The following DOCK2 variants were observed in gnomAD, a reference collection of about 807,000 sequenced individuals.
DOCK2 encodes dedicator of cytokinesis 2.
DOCK2 carries 87 observed loss-of-function variants against 248.9 expected under a neutral mutation model. The observed-to-expected ratio is 0.35, with a 90% CI of 0.29 to 0.42. DOCK2 has a LOEUF of 0.42. DOCK2 is among the 10% of genes least tolerant of loss of function. The pLI is 1.00. For missense variants in DOCK2, 1,747 were observed against 2,300.2 expected, an observed-to-expected ratio of 0.76 and a Z score of 4.92; for synonymous variants, 805 against 821.6, an observed-to-expected ratio of 0.98 and a Z score of 0.35.
intron 27 of DOCK2, chr5:169,883,118 C>T: frequency 6.4e-7 from 1 of 1,551,632 alleles, no homozygotes; most frequent in Non-Finnish European, 8.7e-7. Flanking sequence ...ACGCTGGTGG[C>T]ATTTAAGCAG....
chr5:169,974,243 A>G (rs1263563128), intron 27 of DOCK2, among the ~76,000 whole-genome samples: 1 of 152,266 alleles, frequency 6.6e-6, no homozygotes, highest in African/African-American at 2.4e-5. Context: ...GGAGGATTAC[A>G]TAAGATAAAG....
chr5:169,782,850 C>T (rs753018123), intron 25 of DOCK2, among the ~76,000 whole-genome samples: 6 of 152,160 alleles, frequency 3.9e-5, no homozygotes, highest in Non-Finnish European at 7.3e-5. Flanking sequence ...GGCTCTCTGA[C>T]ATATCAAATT....
At chr5:169,647,905 C>T (rs1262140775) in intron 1 of DOCK2, among the ~76,000 whole-genome samples, 1 of 152,194 alleles carries the variant, frequency 6.6e-6, no homozygotes, top group Non-Finnish European at 1.5e-5. Flanking sequence ...TTCACAGAAG[C>T]TCAGGAGAGC....
At chr5:170,045,727 A>G in intron 38 of DOCK2, 89 bp from the exon 39 acceptor site, 1 of 1,293,344 alleles carries the variant, frequency 7.7e-7, no homozygotes, top group Non-Finnish European at 1.1e-6. Flanking sequence ...AGTCCCAGGA[A>G]GCACAGCTAC....
At position 169,684,319 on chromosome 5, in the gene DOCK2, C is replaced by T. The variant is rs770251542; in HGVS notation, c.730C>T (p.Leu244Phe). The change falls in exon 8 of 52, where the codon CTC becomes TTC. Residue 244 changes from leucine to phenylalanine, a missense_variant. Physicochemically the swap from Leu to Phe is conservative, Grantham distance 22. Around this residue, in one of 4 missense-constraint regions of DOCK2, gnomAD observed 375 missense variants for 510.9 expected, o/e 0.73. Transcript: ENST00000520908. Reference protein sequence around the residue: ...IGEDAELFMSLYDPNKQTVIS... With the variant: ...IGEDAELFMSFYDPNKQTVIS... ...GGAAGATGCTGAGCTCTTCATGTCT[C>T]TCTACGACCCCAACAAGCAAACGGT... 1.9e-6 allele frequency: 3 copies of T among 1,614,192 alleles called. No homozygotes were observed. The highest frequency in any genetic ancestry group is 1.7e-6 in the Non-Finnish European group (2 of 1,180,006).
At chr5:169,774,266 A>G (rs533591561) in intron 25 of DOCK2, among the ~76,000 whole-genome samples, 34 of 152,338 alleles carry the variant, frequency 2.2e-4, no homozygotes, top group Middle Eastern at 3.4e-3. Context: ...GGGGACTATT[A>G]ACAAAATACA....
intron 27 of DOCK2, among the ~76,000 whole-genome samples, chr5:169,857,323 A>G (rs1006924020): frequency 6.6e-6 from 1 of 152,244 alleles, no homozygotes. Flanking sequence ...ATGACAATTT[A>G]TTCTGAAACA....
chr5:169,792,949 C>T (rs1368597872), intron 25 of DOCK2, among the ~76,000 whole-genome samples: 4 of 152,172 alleles, frequency 2.6e-5, no homozygotes, highest in Admixed American at 2.6e-4. Context: ...GGAGGCCAGC[C>T]AGCAGCTGCA....
intron 7 of DOCK2, 70 bp from the exon 8 acceptor site, chr5:169,684,126 C>T: frequency 1.3e-6 from 2 of 1,574,362 alleles, no homozygotes; most frequent in South Asian, 2.3e-5. Context: ...CCTTGACTAT[C>T]TCTCTGTTGC....
chr5:169,864,806 A>T (rs1188267526), intron 27 of DOCK2, among the ~76,000 whole-genome samples: 5 of 152,220 alleles, frequency 3.3e-5, no homozygotes, highest in African/African-American at 1.2e-4. Context: ...TTATTAAAAA[A>T]TTGAGATAAT....
chr5:169,711,895 T>C (rs777323500), intron 15 of DOCK2, 40 bp from the exon 16 acceptor site: 82 of 1,611,832 alleles, frequency 5.1e-5, no homozygotes, highest in Non-Finnish European at 6.6e-5. Context: ...GGAGGGCCCT[T>C]TAACTCATTG....
chr5:170,079,241 T>C, intron 49 of DOCK2, 95 bp downstream of exon 49: 1 of 1,474,046 alleles, frequency 6.8e-7, no homozygotes, highest in Non-Finnish European at 9.1e-7. Context: ...ATGGGCTTCC[T>C]GAAGCCTGCC....
In DOCK2 at chr5:169,882,815, G is replaced by A. The variant is rs191734900; in HGVS notation, c.2799+41963G>A. ...AACTCCAGTGTGTCTGACTCGGTGG[G>A]GTTGTTTGCCGTCTGCTCCTGACAC... On this transcript the variant is annotated intron_variant, in intron 27 of 51. Coordinates refer to ENST00000520908, the MANE Select transcript of DOCK2 (RefSeq NM_004946.3). The A allele has an allele frequency of 2.1e-5, 32 of 1,550,642 alleles. No homozygotes were observed. The African/African-American group carries it at 3.7e-4, about 18-fold the overall frequency.
chr5:169,867,714 A>C (rs1483382472), intron 27 of DOCK2, among the ~76,000 whole-genome samples: 1 of 152,056 alleles, frequency 6.6e-6, no homozygotes, highest in Non-Finnish European at 1.5e-5. Flanking sequence ...ACACATACAC[A>C]CATATATAAT....
chr5:169,847,023 A>G (rs1419440274), intron 27 of DOCK2, among the ~76,000 whole-genome samples: 1 of 152,200 alleles, frequency 6.6e-6, no homozygotes, highest in East Asian at 1.9e-4. Context: ...GTGGCAAAAG[A>G]CATTATTTCA....
intron 19 of DOCK2, among the ~76,000 whole-genome samples, 175 bp downstream of exon 19, chr5:169,714,632 A>G (rs1761803967): frequency 2.0e-5 from 3 of 152,296 alleles, no homozygotes; most frequent in South Asian, 2.1e-4. Context: ...CAGGGGAGTG[A>G]CTTGGTTCAA....
At chr5:169,863,816 C>T (rs967750590) in intron 27 of DOCK2, among the ~76,000 whole-genome samples, 4 of 152,228 alleles carry the variant, frequency 2.6e-5, no homozygotes, top group African/African-American at 9.6e-5. Flanking sequence ...CAGTTTATCT[C>T]ATTTTTTTCT....
intron 27 of DOCK2, among the ~76,000 whole-genome samples, chr5:169,906,922 TAG>T (rs975966910): frequency 2.6e-5 from 4 of 152,140 alleles, no homozygotes; most frequent in African/African-American, 9.7e-5. Flanking sequence ...AAATGCTGTC[TAG>T]AGGGAAATAC....
At chr5:170,075,175 C>T (rs1490367795) in intron 46 of DOCK2, among the ~76,000 whole-genome samples, 2 of 152,140 alleles carry the variant, frequency 1.3e-5, no homozygotes, top group South Asian at 2.1e-4. Context: ...CCCCTTTGCT[C>T]CCCTGGTTAT....
Sources: allele counts gnomAD v4.1 joint callset (sites outside exome capture counted in the v4.1 genomes callset), GRCh38; gene constraint gnomAD v4.1.1; regional missense constraint gnomAD v4.1.1; transcripts MANE v1.5; gene names NCBI Gene and HGNC (gene_info 2026-07-23, HGNC 2026-07-21).